The following PEX1 variants were observed in gnomAD, a reference collection of about 807,000 sequenced individuals.
The protein encoded by PEX1 is peroxisomal biogenesis factor 1.
A neutral mutation model predicts 152.5 loss-of-function variants in PEX1; 97 were observed. That is an observed-to-expected ratio of 0.64 (90% confidence interval 0.54 to 0.75). The LOEUF (loss-of-function observed/expected upper bound fraction) is 0.75. Ranked by LOEUF, PEX1 falls within the 30% of genes least tolerant of loss-of-function variation. The pLI, the probability that PEX1 is intolerant of heterozygous loss-of-function variation, is 0.00. For missense variants in PEX1, 1,357 were observed against 1,516.3 expected (o/e 0.89, Z 1.74); for synonymous variants, 485 against 531.6 (o/e 0.91, Z 1.21).
At chr7:92,490,408 G>C (rs188796234) in intron 21 of PEX1, among the ~76,000 whole-genome samples, 4 of 152,126 alleles carry the variant, frequency 2.6e-5, no homozygotes, top group African/African-American at 9.7e-5. Flanking sequence ...GTCAAGGCAC[G>C]CAGATAGCTT....
chr7:92,508,320 G>A (rs1006203257), intron 9 of PEX1, among the ~76,000 whole-genome samples: 3 of 152,036 alleles, frequency 2.0e-5, no homozygotes, highest in Non-Finnish European at 4.4e-5. Context: ...GGAGGCTGAG[G>A]CAGGCGGATC....
In PEX1 at chr7:92,492,945, T is replaced by A. The variant is rs1333968511; in HGVS notation, c.3207+8A>T. The A allele has an allele frequency of 1.2e-6, 2 of 1,608,502 alleles. No homozygotes were observed. Among genetic ancestry groups the A allele is most frequent in the South Asian group, 1.1e-5 (1 of 90,958 alleles). ...AAAATGTCATAACAACTTCCTCATA[T>A]AACTTGCCTGGAGTCCACTCGAGAG... On this transcript the variant is annotated splice_region_variant and intron_variant, in intron 20 of 23. Coordinates refer to ENST00000248633, the MANE Select transcript of PEX1 (RefSeq NM_000466.3).
intron 17 of PEX1, among the ~76,000 whole-genome samples, chr7:92,496,231 C>T (rs1374301833): frequency 1.3e-5 from 2 of 152,026 alleles, no homozygotes; most frequent in Non-Finnish European, 1.5e-5. Flanking sequence ...AATGCTATCA[C>T]ATTTGAATAA....
chr7:92,523,400 T>C (rs1793135263), intron 1 of PEX1, among the ~76,000 whole-genome samples: 1 of 151,984 alleles, frequency 6.6e-6, no homozygotes, highest in African/African-American at 2.4e-5. Context: ...TAGGTCACTG[T>C]AACTTGAAAC....
Position 92,517,464 on chromosome 7 carries a change from T to C in PEX1, c.1051A>G (p.Asn351Asp). 6.2e-7 allele frequency: 1 copy of C among 1,614,008 alleles called. No individual in the cohort carries two copies. Among genetic ancestry groups the C allele is most frequent in the Non-Finnish European group, 8.5e-7 (1 of 1,180,006 alleles). ...PKQQQSKTKQ[N>D]VLSPEKEKQM... ...TTCTCTTTTTCAGGTGATAACACAT[T>C]TTGTTTTGTTTTACTTTGCTGTTGC... Residue 351 changes from asparagine (N) to aspartate (D), a missense_variant, in exon 5 of 24, where the codon AAT becomes GAT. By Grantham distance (23) the Asn-to-Asp change is conservative (BLOSUM62 1). Transcript: ENST00000248633.
chr7:92,497,249 G>T (rs986901604), intron 16 of PEX1, among the ~76,000 whole-genome samples: 3 of 152,146 alleles, frequency 2.0e-5, no homozygotes, highest in African/African-American at 7.2e-5. Flanking sequence ...CCTTGTGCCA[G>T]AAACAGTGTC....
chr7:92,489,222 TAA>T lies in PEX1; in HGVS notation c.3767+69_3767+70del, dbSNP rs1475222788. On this transcript the variant is annotated intron_variant, in intron 23 of 23. Coordinates refer to ENST00000248633, the MANE Select transcript of PEX1 (RefSeq NM_000466.3). ...ATATTTTTATTTTAAACACGAACTT[TAA>T]AGGTTTAAGTGTAATACTATGTCAC... is the stretch of plus-strand genomic sequence containing the variant. 12 of 1,310,484 alleles carry T rather than the reference TAA, an allele frequency of 9.2e-6. No homozygotes were observed. In the African/African-American group the frequency reaches 1.6e-4, roughly 17 times the overall value. 81.2% of individuals were successfully genotyped at this position (1,310,484 alleles called of 1,614,324 possible). A position where few individuals can be genotyped will look rare whatever the true frequency, so the allele number is the denominator to read the frequency against.
chr7:92,496,483 T>C (rs1303658305), intron 17 of PEX1, among the ~76,000 whole-genome samples: 1 of 152,202 alleles, frequency 6.6e-6, no homozygotes, highest in East Asian at 1.9e-4. Flanking sequence ...CGATTCCACT[T>C]TGAGGAGTAT....
chr7:92,493,881 A>G, intron 19 of PEX1: 1 of 210,846 alleles, frequency 4.7e-6, no homozygotes, highest in South Asian at 7.8e-5. Flanking sequence ...TAAGAGTTGG[A>G]ACAACACAGG....
At chr7:92,510,735 A>G in intron 8 of PEX1, 1 of 408,984 alleles carries the variant, frequency 2.4e-6, no homozygotes. Flanking sequence ...GTGCTAAGGC[A>G]TTCATTTTTA....
At chr7:92,488,460 A>G (rs1791058987) in intron 23 of PEX1, among the ~76,000 whole-genome samples, 1 of 152,222 alleles carries the variant, frequency 6.6e-6, no homozygotes, top group Admixed American at 6.5e-5. Context: ...ACACTGAATC[A>G]TTGACCTAGA....
chr7:92,524,266 CTTT>C (rs912217791), intron 1 of PEX1, among the ~76,000 whole-genome samples: 3 of 136,360 alleles, frequency 2.2e-5, no homozygotes, highest in African/African-American at 2.7e-5. Context: ...ATGTTTCTTG[CTTT>C]TTTTTTTTTT....
intron 1 of PEX1, 96 bp downstream of exon 1, chr7:92,528,211 C>G (rs1158255262): frequency 2.0e-6 from 3 of 1,508,052 alleles, no homozygotes; most frequent in East Asian, 4.9e-5. Context: ...TTCGGCGGCG[C>G]CCGGGTGGCA....
At chr7:92,488,181 G>C (rs1288399634) in intron 23 of PEX1, among the ~76,000 whole-genome samples, 1 of 152,130 alleles carries the variant, frequency 6.6e-6, no homozygotes, top group African/African-American at 2.4e-5. Flanking sequence ...TGGATAAAGG[G>C]GGACTGCTAT....
rs1585230686 is a variant in PEX1 at position 92,501,377 on chromosome 7, T to C, written c.2583+130A>G. The C allele has an allele frequency of 4.2e-6, 3 of 722,114 alleles. No homozygotes were observed. In the East Asian group the frequency reaches 8.0e-5, roughly 19 times the overall value. 44.7% of individuals were successfully genotyped at this position (722,114 alleles called of 1,614,324 possible). A position where few individuals can be genotyped will look rare whatever the true frequency, so the allele number is the denominator to read the frequency against. ...AAGTACCTAAAATAGTGTTAAGACA[T>C]TTATTTGGTAACTCAGTAAACACTT... is the stretch of plus-strand genomic sequence containing the variant. On this transcript the variant is annotated intron_variant, in intron 15 of 23. Transcript: ENST00000248633.
intron 5 of PEX1, among the ~76,000 whole-genome samples, chr7:92,515,309 CTGTT>C (rs113893569): frequency 0.12 from 18,903 of 151,422 alleles, 1,208 homozygotes; most frequent in African/African-American, 0.15. Context: ...ATCAAGTTTC[CTGTT>C]TGTTTGTTGT....
chr7:92,499,849 A>AC lies in PEX1; in HGVS notation c.2584-12_2584-11insG. The AC allele has an allele frequency of 2.2e-6, 1 of 464,754 alleles. No homozygotes were observed. The highest frequency in any genetic ancestry group is 2.7e-6 in the Non-Finnish European group (1 of 369,286). The allele number at this position is 464,754 out of a possible 1,614,324, so 28.8% of individuals were successfully genotyped here. On this transcript the variant is annotated splice_polypyrimidine_tract_variant and intron_variant, in intron 15 of 23. Transcript: ENST00000248633. ...AAATAATTCTGGATACTGAGAAACA[A>AC]AAAAAAAAAATATGAAAAAGAGCTC... is the stretch of plus-strand genomic sequence containing the variant.
At position 92,517,301 on chromosome 7, in the gene PEX1, T is replaced by TCTA; in HGVS notation, c.1211_1213dup (p.Val404dup). 1 of 1,613,852 alleles carries TCTA rather than the reference T, an allele frequency of 6.2e-7. No individual in the cohort carries two copies. The highest frequency in any genetic ancestry group is 1.7e-4 in the Middle Eastern group (1 of 6,058). ...CCAGACTTTCCCAAGATGGAGAACTTCTACATTTTTGGTATATTTGATGGC... is the reference window on the plus strand; with the variant it reads ...CCAGACTTTCCCAAGATGGAGAACTTCTACTACATTTTTGGTATATTTGATGGC... On this transcript the variant is annotated inframe_insertion, in exon 5 of 24. Coordinates refer to ENST00000248633, the MANE Select transcript of PEX1 (RefSeq NM_000466.3).
intron 1 of PEX1, among the ~76,000 whole-genome samples, chr7:92,524,063 T>C (rs1585263140): frequency 1.3e-5 from 2 of 152,182 alleles, no homozygotes; most frequent in East Asian, 3.9e-4. Flanking sequence ...TTTAAAATAT[T>C]AAATATCAAA....
Sources: allele counts gnomAD v4.1 joint callset (sites outside exome capture counted in the v4.1 genomes callset), GRCh38; gene constraint gnomAD v4.1.1; transcripts MANE v1.5; gene names NCBI Gene and HGNC (gene_info 2026-07-23, HGNC 2026-07-21).